TASOR: variants seen among roughly 807,000 people sequenced by gnomAD.
TASOR encodes protein TASOR.
A neutral mutation model predicts 178.6 loss-of-function variants in TASOR; 53 were observed. That is an observed-to-expected ratio of 0.30 (90% confidence interval 0.24 to 0.37). TASOR has a LOEUF of 0.37. TASOR is among the 10% of genes least tolerant of loss of function. The pLI is 1.00. For synonymous variants in TASOR, 713 were observed against 696.2 expected (o/e 1.02, Z -0.38); for missense variants, 1,815 against 1,971.4 (o/e 0.92, Z 1.50).
rs2077369196 is a variant in TASOR, at chr3:56,652,312, G to A, written c.1369-3255C>T. Among the ~76,000 whole-genome samples the A allele has an allele frequency of 2.6e-5, 4 of 152,082 alleles. No homozygotes were observed. In the South Asian group the frequency reaches 8.3e-4, roughly 32 times the overall value. On this transcript the variant is annotated intron_variant, in intron 11 of 23. Transcript: ENST00000683822. Reference sequence around the variant, plus strand: ...ATGGCTAAAATGGCTGGGCACGGTGGTGCACACCTGTAATCCCAGCACTCT... The same window carrying A: ...ATGGCTAAAATGGCTGGGCACGGTGATGCACACCTGTAATCCCAGCACTCT...
intron 14 of TASOR, 47 bp from the exon 15 acceptor site, chr3:56,641,799 A>G (rs375714631): frequency 2.0e-6 from 3 of 1,527,532 alleles, no homozygotes; most frequent in African/African-American, 2.8e-5. Flanking sequence ...AAAAGCAAGC[A>G]TAAAACTTTT....
At chr3:56,651,680 GGC>G (rs1200285616) in intron 11 of TASOR, among the ~76,000 whole-genome samples, 1 of 150,668 alleles carries the variant, frequency 6.6e-6, no homozygotes, top group East Asian at 1.9e-4. Flanking sequence ...CCTCAGCCTA[GGC>G]AACAGAGAGT....
At chr3:56,662,142 A>C (rs2077611434) in intron 9 of TASOR, among the ~76,000 whole-genome samples, 1 of 152,092 alleles carries the variant, frequency 6.6e-6, no homozygotes, top group Non-Finnish European at 1.5e-5. Flanking sequence ...AAAAAAAAAA[A>C]AAAAGATAAA....
At chr3:56,662,130 CA>C (rs766914234) in intron 9 of TASOR, among the ~76,000 whole-genome samples, 7,059 of 88,508 alleles carry the variant, frequency 0.08, 150 homozygotes, top group East Asian at 0.13. Context: ...AACTCCGTCT[CA>C]AAAAAAAAAA....
intron 10 of TASOR, 22 bp from the exon 11 acceptor site, chr3:56,660,856 G>A (rs1038759721): frequency 1.2e-6 from 2 of 1,609,000 alleles, no homozygotes; most frequent in Non-Finnish European, 1.7e-6. Context: ...AAAATACATA[G>A]TAAATATCCA....
chr3:56,663,741 C>G (rs147399278), intron 7 of TASOR, 169 bp from the exon 8 acceptor site: 1,266 of 1,053,176 alleles, frequency 1.2e-3, no homozygotes, highest in Non-Finnish European at 1.3e-3. Flanking sequence ...AAATCCAAGT[C>G]TACTTAGAGA....
chr3:56,656,535 G>A (rs980846089), intron 11 of TASOR, among the ~76,000 whole-genome samples: 1 of 151,986 alleles, frequency 6.6e-6, no homozygotes. Flanking sequence ...AGGTTGCAGT[G>A]AGCTGAGATC....
At chr3:56,624,431 C>G in intron 23 of TASOR, 48 bp downstream of exon 23, 17 of 1,583,856 alleles carry the variant, frequency 1.1e-5, no homozygotes, top group Non-Finnish European at 1.5e-5. Flanking sequence ...AAAACCATTC[C>G]TCTTTTTCTG....
At chr3:56,661,038 CAT>C in intron 9 of TASOR, 21 bp from the exon 10 acceptor site, 6 of 1,510,176 alleles carry the variant, frequency 4.0e-6, no homozygotes, top group African/African-American at 1.4e-5. Flanking sequence ...ATTTTAAAAA[CAT>C]GTTTGCCTTA....
Position 56,627,101 on chromosome 3 carries a change from G to A in TASOR, c.4075C>T (p.Pro1359Ser), listed in dbSNP as rs756558082. 5 of 1,612,604 alleles carry A rather than the reference G, an allele frequency of 3.1e-6. No individual in the cohort carries two copies. The South Asian group carries it at 4.4e-5, about 14-fold the overall frequency. ...ACTTTCCATTGCCATTTTCCTTCTG[G>A]AGTACTAAGTTCCTCAAGGAATGTC... ...FLTFLEELST[P>S]EGKWQWKVHC... The change falls in exon 21 of 24, where the codon CCA (proline) becomes TCA (serine). Residue 1359 changes from proline (P) to serine (S), a missense_variant. By Grantham distance (74) the Pro-to-Ser change is moderately conservative. This residue lies in a region of TASOR where 134 missense variants were observed against 195.2 expected (regional missense o/e 0.69). Transcript: ENST00000683822.
chr3:56,650,484 T>C (rs2077328464), intron 11 of TASOR, among the ~76,000 whole-genome samples: 1 of 152,148 alleles, frequency 6.6e-6, no homozygotes. Context: ...ATGGGACAGA[T>C]AAAGTCATGG....
chr3:56,624,489 CTCAAGAT>C lies in TASOR; in HGVS notation c.4466_4472del (p.Asn1489SerfsTer7). The C allele has an allele frequency of 6.2e-7, 1 of 1,612,584 alleles. No individual in the cohort carries two copies. The highest frequency in any genetic ancestry group is 8.5e-7 in the Non-Finnish European group (1 of 1,179,534). On this transcript the variant is annotated frameshift_variant, in exon 23 of 24. Transcript: ENST00000683822. LOFTEE classifies it high-confidence loss of function. ...CCACTGAAAAGTTACCTGACTGCGACTCAAGATTCTCATTAGCACCAAGCTGTGGAAG... is the reference window on the plus strand; with the variant it reads ...CCACTGAAAAGTTACCTGACTGCGACTCTCATTAGCACCAAGCTGTGGAAG...
chr3:56,667,245 AATTTT>A (rs1199624857), intron 6 of TASOR, among the ~76,000 whole-genome samples: 1 of 152,222 alleles, frequency 6.6e-6, no homozygotes, highest in Non-Finnish European at 1.5e-5. Context: ...TAGTTCTTAA[AATTTT>A]ATTTTACATA....
intron 23 of TASOR, chr3:56,623,893 A>T: frequency 1.4e-6 from 2 of 1,457,960 alleles, no homozygotes; most frequent in Non-Finnish European, 1.9e-6. Flanking sequence ...ATAAAATAAA[A>T]TTTTTTGACA....
intron 8 of TASOR, 76 bp from the exon 9 acceptor site, chr3:56,662,566 G>A: frequency 1.6e-6 from 1 of 614,912 alleles, no homozygotes; most frequent in Non-Finnish European, 2.7e-6. Context: ...TATTAGAAAT[G>A]AGACGGAAAA....
intron 14 of TASOR, 88 bp from the exon 15 acceptor site, chr3:56,641,840 A>C (rs2107565695): frequency 7.4e-7 from 1 of 1,356,092 alleles, no homozygotes; most frequent in Middle Eastern, 2.7e-4. Flanking sequence ...AATTATCATA[A>C]AGCATTTATG....
At chr3:56,682,646 GA>G (rs993911763) in intron 1 of TASOR, 29 bp downstream of exon 1, 2 of 1,434,298 alleles carry the variant, frequency 1.4e-6, no homozygotes, top group Non-Finnish European at 1.8e-6. Flanking sequence ...GGGAGAGAGA[GA>G]GGGGGTTGAG....
intron 4 of TASOR, 100 bp from the exon 5 acceptor site, chr3:56,669,891 G>A: frequency 1.0e-6 from 1 of 988,982 alleles, no homozygotes; most frequent in African/African-American, 1.7e-5. Flanking sequence ...TCAATTTGAG[G>A]TGTTCAAAAA....
chr3:56,651,918 A>T (rs1057440664), intron 11 of TASOR, among the ~76,000 whole-genome samples: 12 of 152,232 alleles, frequency 7.9e-5, no homozygotes, highest in African/African-American at 2.7e-4. Context: ...CATTATTCAT[A>T]GTAGCCAAGA....
Sources: gnomAD v4.1 joint callset for allele counts (sites outside exome capture counted in the v4.1 genomes callset) on GRCh38, gnomAD v4.1.1 for gene constraint, gnomAD v4.1.1 regional missense constraint, MANE v1.5 for transcripts, NCBI Gene and HGNC (gene_info 2026-07-23, HGNC 2026-07-21) for gene names.